PGAP1: variants seen among roughly 807,000 people sequenced by gnomAD.
The protein encoded by PGAP1 is post-GPI attachment to proteins inositol deacylase 1.
Under a neutral mutation model 127.0 loss-of-function variants are expected in PGAP1, and 76 were observed. The observed-to-expected ratio is 0.60, with a 90% CI of 0.50 to 0.72. The LOEUF is 0.72. Ranked by LOEUF, PGAP1 falls within the 30% of genes least tolerant of loss-of-function variation. The pLI is 0.00. For synonymous variants in PGAP1, 362 were observed against 366.5 expected (o/e 0.99, Z 0.14); for missense variants, 982 against 1,071.3 (o/e 0.92, Z 1.16).
At chr2:196,900,052 AC>A (rs1159258144) in intron 5 of PGAP1, among the ~76,000 whole-genome samples, 13 of 152,216 alleles carry the variant, frequency 8.5e-5, no homozygotes, top group Admixed American at 7.8e-4. Context: ...ACAAAACAAA[AC>A]AAAACACACA....
intron 1 of PGAP1, among the ~76,000 whole-genome samples, chr2:196,923,423 ACT>A (rs1474192942): frequency 6.6e-6 from 1 of 151,918 alleles, no homozygotes; most frequent in East Asian, 1.9e-4. Context: ...CTCTGTACAT[ACT>A]CTCTTATTGT....
chr2:196,856,137 C>T (rs1700876144), intron 20 of PGAP1, among the ~76,000 whole-genome samples: 1 of 152,056 alleles, frequency 6.6e-6, no homozygotes, highest in Non-Finnish European at 1.5e-5. Flanking sequence ...CCTCAGTATC[C>T]TGAGTGGCTG....
At chr2:196,856,721 T>C (rs1576104824) in intron 20 of PGAP1, among the ~76,000 whole-genome samples, 2 of 152,206 alleles carry the variant, frequency 1.3e-5, no homozygotes, top group South Asian at 2.1e-4. Context: ...TTTCCCAAGA[T>C]GTCAGAACAA....
chr2:196,912,901 T>G lies in PGAP1; in HGVS notation c.630A>C (p.Pro210=), dbSNP rs1299716452. The change falls in exon 4 of 27, where the codon CCA becomes CCC. Residue 210 remains proline (P), a synonymous_variant. Transcript: ENST00000354764. ...QATPHVAPVM[P]LDRFITDFYT... The stretch of plus-strand genomic sequence containing the variant: ...ACTCACCTGTAATGAAACGATCTAA[T>G]GGCATCACAGGAGCAACATGAGGTG... 6.2e-7 allele frequency: 1 copy of G among 1,611,068 alleles called. No homozygotes were observed. The highest frequency in any genetic ancestry group is 8.5e-7 in the Non-Finnish European group (1 of 1,178,798).
chr2:196,917,262 T>C lies in PGAP1; in HGVS notation c.302-669A>G, dbSNP rs187139853. Among the ~76,000 whole-genome samples, 73 of 152,332 alleles carry C rather than the reference T, an allele frequency of 4.8e-4. No homozygotes were observed. In the East Asian group the frequency reaches 0.013, roughly 27 times the overall value. ...TTGCTTATATTAGGTGGCACAAAAA[T>C]TGTAGCATATGGTTTAGCAAACAAA... is the stretch of plus-strand genomic sequence containing the variant. On this transcript the variant is annotated intron_variant, in intron 2 of 26. Coordinates refer to ENST00000354764, the MANE Select transcript of PGAP1 (RefSeq NM_024989.4).
At chr2:196,868,178 A>G (rs983245847) in intron 19 of PGAP1, among the ~76,000 whole-genome samples, 1 of 152,212 alleles carries the variant, frequency 6.6e-6, no homozygotes, top group African/African-American at 2.4e-5. Flanking sequence ...ACAGGGATGT[A>G]AGGCTTAAAT....
At chr2:196,880,245 G>A (rs535331232) in intron 12 of PGAP1, 92 bp from the exon 13 acceptor site, 50 of 801,464 alleles carry the variant, frequency 6.2e-5, no homozygotes, top group South Asian at 5.6e-4. Context: ...TACTTAATTC[G>A]TTATCTTAAA....
chr2:196,840,267 C>T lies in PGAP1; in HGVS notation c.*967G>A, dbSNP rs1418682876. ...CCATTAATAGTATAATATTATACATCAAATGTGATGTTACCTTGATCATGT... is the reference window on the plus strand; with the variant it reads ...CCATTAATAGTATAATATTATACATTAAATGTGATGTTACCTTGATCATGT... On this transcript the variant is annotated 3_prime_UTR_variant, in exon 27 of 27. Transcript: ENST00000354764. The T allele has an allele frequency of 6.6e-6, 1 of 152,090 alleles. No individual in the cohort carries two copies. Among genetic ancestry groups the T allele is most frequent in the African/African-American group, 2.4e-5 (1 of 41,410 alleles). The allele number at this position is 152,090 out of a possible 1,614,324, so 9.4% of individuals were successfully genotyped here. A position where few individuals can be genotyped will look rare whatever the true frequency, so the allele number is the denominator to read the frequency against.
intron 1 of PGAP1, among the ~76,000 whole-genome samples, chr2:196,921,715 T>A (rs1378425248): frequency 6.6e-6 from 1 of 152,126 alleles, no homozygotes; most frequent in Admixed American, 6.5e-5. Flanking sequence ...CATAAAATAC[T>A]ATTATGAAAG....
intron 4 of PGAP1, among the ~76,000 whole-genome samples, chr2:196,905,244 G>C (rs1263231136): frequency 1.3e-5 from 2 of 152,072 alleles, no homozygotes; most frequent in African/African-American, 4.8e-5. Context: ...CACACAGAAT[G>C]CAACAATATA....
At chr2:196,900,136 T>C (rs937757235) in intron 5 of PGAP1, among the ~76,000 whole-genome samples, 15 of 152,326 alleles carry the variant, frequency 9.8e-5, no homozygotes, top group African/African-American at 3.6e-4. Context: ...TTGCCTTGTG[T>C]TCTTTCTTCC....
At chr2:196,855,583 T>C (rs1265705847) in intron 20 of PGAP1, among the ~76,000 whole-genome samples, 1 of 152,158 alleles carries the variant, frequency 6.6e-6, no homozygotes, top group Non-Finnish European at 1.5e-5. Flanking sequence ...ATGACTTCTA[T>C]TTGAAATGTT....
At chr2:196,903,506 A>T (rs1174117206) in intron 4 of PGAP1, among the ~76,000 whole-genome samples, 2 of 145,516 alleles carry the variant, frequency 1.4e-5, no homozygotes, top group Admixed American at 7.3e-5. Flanking sequence ...GGTTGCAGTG[A>T]GCCGAGATTG....
At chr2:196,873,857 A>C (rs1701478700) in intron 14 of PGAP1, 99 bp from the exon 15 acceptor site, 6 of 814,074 alleles carry the variant, frequency 7.4e-6, no homozygotes, top group Non-Finnish European at 1.2e-5. Flanking sequence ...AATAATTAAA[A>C]ATTTATTTAC....
intron 7 of PGAP1, among the ~76,000 whole-genome samples, chr2:196,895,342 GTTC>G (rs1197792728): frequency 6.6e-6 from 1 of 152,120 alleles, no homozygotes; most frequent in African/African-American, 2.4e-5. Flanking sequence ...GACGTATCCT[GTTC>G]TTCACCAGTC....
intron 13 of PGAP1, among the ~76,000 whole-genome samples, chr2:196,879,007 C>G (rs2125805662): frequency 6.6e-6 from 1 of 152,258 alleles, no homozygotes; most frequent in East Asian, 1.9e-4. Context: ...CAGCATGGCT[C>G]TACAATGTTC....
In PGAP1 at chr2:196,912,938, A is replaced by G. The variant is rs768521940; in HGVS notation, c.593T>C (p.Ile198Thr). The G allele has an allele frequency of 1.9e-6, 3 of 1,613,922 alleles. No homozygotes were observed. In the South Asian group the frequency reaches 3.3e-5, roughly 18 times the overall value. The change falls in exon 4 of 27, where the codon ATT (isoleucine) becomes ACT (threonine). Residue 198 changes from isoleucine (I) to threonine (T), a missense_variant. Physicochemically the swap from Ile to Thr is moderately conservative, Grantham distance 89 (BLOSUM62 -1). Coordinates refer to ENST00000354764, the MANE Select transcript of PGAP1 (RefSeq NM_024989.4). ...AGCAACATGAGGTGTGGCTTGTGTA[A>G]TAAGAAGATTTATCAGATCATGCTT... ...NFKHDLINLL[I>T]TQATPHVAPV...
At position 196,866,411 on chromosome 2, in the gene PGAP1, C is replaced by T. The variant is rs1048780319; in HGVS notation, c.1768-1331G>A. Reference sequence around the variant, plus strand: ...TAATAAATGGTGTTGGGAAAACTGGCTAGCCATATGCAGAAAACTGAAACT... The same window carrying T: ...TAATAAATGGTGTTGGGAAAACTGGTTAGCCATATGCAGAAAACTGAAACT... On this transcript the variant is annotated intron_variant, in intron 19 of 26. Transcript: ENST00000354764. 1.1e-4 allele frequency among the ~76,000 whole-genome samples: 16 copies of T among 152,144 alleles called. 1 individual carries two copies. The highest frequency in any genetic ancestry group is 3.9e-4 in the African/African-American group (16 of 41,428).
chr2:196,900,044 A>G (rs1427048330), intron 5 of PGAP1, among the ~76,000 whole-genome samples: 2 of 152,244 alleles, frequency 1.3e-5, no homozygotes, highest in Non-Finnish European at 2.9e-5. Context: ...GTCTCAAAAC[A>G]AAACAAAACA....
Sources: allele counts gnomAD v4.1 joint callset (sites outside exome capture counted in the v4.1 genomes callset), GRCh38; gene constraint gnomAD v4.1.1; transcripts MANE v1.5; gene names NCBI Gene and HGNC (gene_info 2026-07-23, HGNC 2026-07-21).